SLC2A9: variants seen among roughly 807,000 people sequenced by gnomAD.
SLC2A9 encodes solute carrier family 2 member 9, also known as solute carrier family 2, facilitated glucose transporter member 9.
Under a neutral mutation model 50.6 loss-of-function variants are expected in SLC2A9, and 39 were observed. The ratio of observed to expected loss-of-function variants is 0.77; its 90% CI spans 0.60 to 1.01. The LOEUF (loss-of-function observed/expected upper bound fraction) is 1.01, where lower values mean the gene tolerates loss of function less well. Ranked by LOEUF, SLC2A9 falls within the 50% of genes least tolerant of loss-of-function variation. SLC2A9 has a pLI of 0.00. For missense variants in SLC2A9, 686 were observed against 677.6 expected (o/e 1.01, Z -0.14); for synonymous variants, 324 against 276.9 (o/e 1.17, Z -1.69).
chr4:10,012,903 G>C (rs190350296), intron 2 of SLC2A9, among the ~76,000 whole-genome samples: 1 of 152,264 alleles, frequency 6.6e-6, no homozygotes, highest in African/African-American at 2.4e-5. Flanking sequence ...AGTCTGGCTT[G>C]CTTTCTAGAT....
chr4:10,020,064 G>GTC (rs1405170610), intron 1 of SLC2A9, among the ~76,000 whole-genome samples: 329 of 151,504 alleles, frequency 2.2e-3, no homozygotes, highest in African/African-American at 7.6e-3. Context: ...GTGTGTGTGT[G>GTC]TGTGTGTGTT....
intron 10 of SLC2A9, among the ~76,000 whole-genome samples, chr4:9,849,433 G>A (rs1193120774): frequency 1.3e-5 from 2 of 152,232 alleles, no homozygotes; most frequent in Non-Finnish European, 2.9e-5. Context: ...TCAGTCATGA[G>A]ACTTAGATTG....
intron 4 of SLC2A9, 95 bp downstream of exon 4, chr4:9,985,574 G>T: frequency 1.3e-6 from 2 of 1,526,944 alleles, no homozygotes; most frequent in Non-Finnish European, 1.8e-6. Flanking sequence ...CCAGCAGAGA[G>T]CCCCAGTCAT....
At chr4:9,937,946 A>G (rs549413458) in intron 6 of SLC2A9, among the ~76,000 whole-genome samples, 10 of 152,288 alleles carry the variant, frequency 6.6e-5, no homozygotes, top group African/African-American at 2.4e-4. Flanking sequence ...GCCTGCATTT[A>G]CCTGGGCCTG....
downstream of SLC2A9, among the ~76,000 whole-genome samples, chr4:9,824,189 A>G (rs1282268067): frequency 6.6e-6 from 1 of 152,068 alleles, no homozygotes; most frequent in Non-Finnish European, 1.5e-5. Flanking sequence ...CCCAGTGAAC[A>G]AACTTAGCCG....
At chr4:9,829,716 G>A (rs1725750903) in intron 11 of SLC2A9, among the ~76,000 whole-genome samples, 1 of 151,990 alleles carries the variant, frequency 6.6e-6, no homozygotes, top group African/African-American at 2.4e-5. Context: ...ACACACAGAT[G>A]CTTCTCAAAA....
intron 5 of SLC2A9, among the ~76,000 whole-genome samples, chr4:9,957,314 G>A (rs913840382): frequency 2.0e-5 from 3 of 152,134 alleles, no homozygotes; most frequent in African/African-American, 7.2e-5. Flanking sequence ...AACCTCCAAA[G>A]AGAAAAGGCA....
intron 7 of SLC2A9, among the ~76,000 whole-genome samples, chr4:9,909,128 T>A (rs1358773802): frequency 6.6e-6 from 1 of 151,976 alleles, no homozygotes; most frequent in African/African-American, 2.4e-5. Context: ...TTCCCCAGAG[T>A]TGGGTAATGC....
intron 1 of SLC2A9, among the ~76,000 whole-genome samples, chr4:9,773,720 T>C (rs1020070108): frequency 6.6e-6 from 1 of 152,196 alleles, no homozygotes; most frequent in Non-Finnish European, 1.5e-5. Flanking sequence ...CTGATGAGGC[T>C]GAGCTCTGAC....
chr4:9,889,032 ACT>A (rs1736825382), intron 9 of SLC2A9, among the ~76,000 whole-genome samples: 1 of 152,206 alleles, frequency 6.6e-6, no homozygotes. Context: ...CAACTCACTC[ACT>A]GTCTATTTGG....
downstream of SLC2A9, among the ~76,000 whole-genome samples, chr4:9,776,898 C>T (rs1249720637): frequency 6.6e-6 from 1 of 152,166 alleles, no homozygotes; most frequent in Non-Finnish European, 1.5e-5. Context: ...ATACCTCTCC[C>T]TCCCGTGGCC....
downstream of SLC2A9, among the ~76,000 whole-genome samples, chr4:9,821,432 G>A (rs928855966): frequency 6.6e-6 from 1 of 152,088 alleles, no homozygotes; most frequent in Non-Finnish European, 1.5e-5. Flanking sequence ...TTATTCATAA[G>A]TGCGAATTGA....
intron 6 of SLC2A9, among the ~76,000 whole-genome samples, chr4:9,924,502 C>A (rs1173457678): frequency 6.6e-6 from 1 of 152,204 alleles, no homozygotes; most frequent in Admixed American, 6.5e-5. Flanking sequence ...CCACAGCTGA[C>A]ACCTGCTCAT....
chr4:9,992,186 C>T (rs1308054674), intron 3 of SLC2A9, among the ~76,000 whole-genome samples: 1 of 152,156 alleles, frequency 6.6e-6, no homozygotes, highest in East Asian at 1.9e-4. Context: ...TGCCTGTCTC[C>T]ACCTAACCAT....
At chr4:9,903,625 A>G (rs914681038) in intron 8 of SLC2A9, among the ~76,000 whole-genome samples, 2 of 152,132 alleles carry the variant, frequency 1.3e-5, no homozygotes, top group Non-Finnish European at 2.9e-5. Flanking sequence ...CAACTTTATT[A>G]GCCTCCTGAG....
chr4:9,940,443 T>C (rs942041908), intron 6 of SLC2A9, among the ~76,000 whole-genome samples: 2 of 152,030 alleles, frequency 1.3e-5, no homozygotes, highest in African/African-American at 2.4e-5. Flanking sequence ...AGATTGGGGG[T>C]GGGAGTTACT....
intron 10 of SLC2A9, among the ~76,000 whole-genome samples, chr4:9,852,280 C>G (rs1301423831): frequency 6.7e-6 from 1 of 148,692 alleles, no homozygotes; most frequent in East Asian, 2.0e-4. Context: ...GAGTCTCGCT[C>G]TGTCGCCCAG....
chr4:9,999,652 C>T (rs760641964), intron 2 of SLC2A9, among the ~76,000 whole-genome samples: 12 of 152,032 alleles, frequency 7.9e-5, no homozygotes, highest in Non-Finnish European at 1.8e-4. Flanking sequence ...AAGGGCAGGT[C>T]ATGTGGGCCT....
At chr4:9,823,195 G>A (rs1333099361), downstream of SLC2A9, among the ~76,000 whole-genome samples, 5 of 152,146 alleles carry the variant, frequency 3.3e-5, no homozygotes, top group African/African-American at 1.2e-4. Flanking sequence ...GCTTGGAGGT[G>A]AGAGAATATG....
Sources: allele counts gnomAD v4.1 joint callset (sites outside exome capture counted in the v4.1 genomes callset), GRCh38; gene constraint gnomAD v4.1.1; transcripts MANE v1.5; gene names NCBI Gene and HGNC (gene_info 2026-07-23, HGNC 2026-07-21).